The following THRB variants were observed in gnomAD, a reference collection of about 807,000 sequenced individuals.
THRB encodes thyroid hormone receptor beta.
A neutral mutation model predicts 47.8 loss-of-function variants in THRB; 12 were observed. That is an observed-to-expected ratio of 0.25 (90% CI 0.16 to 0.41). The LOEUF is 0.41. THRB is among the 10% of genes least tolerant of loss of function. THRB has a pLI of 1.00. For missense variants in THRB, 348 were observed against 589.2 expected (o/e 0.59, Z 4.24); for synonymous variants, 218 against 212.2 (o/e 1.03, Z -0.24).
At chr3:24,164,320 T>G (rs202125565) in intron 5 of THRB, among the ~76,000 whole-genome samples, 70 of 152,342 alleles carry the variant, frequency 4.6e-4, no homozygotes, top group Non-Finnish European at 9.0e-4. Context: ...GGTTTTAATA[T>G]TGGCTATTTT....
At chr3:24,301,824 C>G (rs1294241132) in intron 2 of THRB, among the ~76,000 whole-genome samples, 1 of 152,164 alleles carries the variant, frequency 6.6e-6, no homozygotes, top group Non-Finnish European at 1.5e-5. Flanking sequence ...TCCAGGTAGG[C>G]CCAATCTAGT....
chr3:24,282,126 A>C (rs546720984), intron 3 of THRB, among the ~76,000 whole-genome samples: 1 of 109,648 alleles, frequency 9.1e-6, no homozygotes, highest in Non-Finnish European at 1.7e-5. Context: ...AATCAACAGA[A>C]TATACATTTT....
At chr3:24,167,597 T>C (rs1370228483) in intron 5 of THRB, among the ~76,000 whole-genome samples, 1 of 152,208 alleles carries the variant, frequency 6.6e-6, no homozygotes, top group Non-Finnish European at 1.5e-5. Flanking sequence ...ATCTGAAAAT[T>C]AACCTTTCAA....
chr3:24,228,132 C>G (rs1047378689), intron 4 of THRB, among the ~76,000 whole-genome samples: 1 of 152,114 alleles, frequency 6.6e-6, no homozygotes, highest in Non-Finnish European at 1.5e-5. Flanking sequence ...TTAGAGAGAA[C>G]CAGAGTTCTC....
chr3:24,335,046 T>C (rs772844729), intron 2 of THRB, among the ~76,000 whole-genome samples: 4 of 152,172 alleles, frequency 2.6e-5, no homozygotes, highest in Non-Finnish European at 5.9e-5. Flanking sequence ...AGCTGCATGT[T>C]GGGTGGTGAC....
At chr3:24,407,357 C>T (rs943274416) in intron 1 of THRB, among the ~76,000 whole-genome samples, 3 of 151,274 alleles carry the variant, frequency 2.0e-5, no homozygotes, top group Admixed American at 1.3e-4. Flanking sequence ...TTTTTTTTTC[C>T]GGTAAGAAAT....
At chr3:24,252,780 TATGGTTAAGTGA>T (rs1227813301) in intron 3 of THRB, among the ~76,000 whole-genome samples, 1 of 151,728 alleles carries the variant, frequency 6.6e-6, no homozygotes, top group Non-Finnish European at 1.5e-5. Context: ...CTTTAAGAAA[TATGGTTAAGTGA>T]GAAAAGCAAA....
chr3:24,162,322 T>C (rs2038984672), intron 5 of THRB, among the ~76,000 whole-genome samples: 1 of 152,096 alleles, frequency 6.6e-6, no homozygotes, highest in African/African-American at 2.4e-5. Flanking sequence ...TTCTCCTGAA[T>C]TTGCAGGGGC....
intron 1 of THRB, among the ~76,000 whole-genome samples, chr3:24,390,914 A>T (rs1319347228): frequency 6.6e-6 from 1 of 151,828 alleles, no homozygotes; most frequent in East Asian, 1.9e-4. Context: ...GGCTTTTGCC[A>T]GGTATTGCTG....
At chr3:24,431,131 A>G (rs1313543459) in intron 1 of THRB, 1 of 152,102 alleles carries the variant, frequency 6.6e-6, no homozygotes, top group Non-Finnish European at 1.5e-5. Context: ...AATAAAGTTT[A>G]TAAGACTGCC....
chr3:24,199,953 A>G (rs886070867), intron 4 of THRB, among the ~76,000 whole-genome samples: 3 of 152,180 alleles, frequency 2.0e-5, no homozygotes, highest in African/African-American at 4.8e-5. Context: ...CTGGGAAAAT[A>G]CTTTCCGGAG....
At chr3:24,258,281 A>G (rs1217654322) in intron 3 of THRB, among the ~76,000 whole-genome samples, 1 of 152,162 alleles carries the variant, frequency 6.6e-6, no homozygotes, top group Non-Finnish European at 1.5e-5. Context: ...GCACAGAGAC[A>G]GGAAAAGGCC....
At chr3:24,386,749 G>T (rs1193332391) in intron 1 of THRB, among the ~76,000 whole-genome samples, 1 of 152,090 alleles carries the variant, frequency 6.6e-6, no homozygotes, top group African/African-American at 2.4e-5. Context: ...AGGCAACCTG[G>T]TTCAAATCCA....
At chr3:24,447,980 C>T (rs2072265711) in intron 1 of THRB, among the ~76,000 whole-genome samples, 1 of 152,074 alleles carries the variant, frequency 6.6e-6, no homozygotes, top group Admixed American at 6.5e-5. Flanking sequence ...AAGTACCTTC[C>T]TGCCCTTGAT....
chr3:24,180,013 T>C (rs1358758051), intron 5 of THRB, among the ~76,000 whole-genome samples: 1 of 152,214 alleles, frequency 6.6e-6, no homozygotes, highest in Non-Finnish European at 1.5e-5. Context: ...GATGAACCCA[T>C]TGCAGATACC....
chr3:24,197,221 G>A (rs955420923), intron 4 of THRB, among the ~76,000 whole-genome samples: 7 of 152,206 alleles, frequency 4.6e-5, no homozygotes, highest in African/African-American at 1.7e-4. Flanking sequence ...GGTCTGCTAG[G>A]AGGACTCATC....
intron 1 of THRB, among the ~76,000 whole-genome samples, chr3:24,382,247 A>G (rs1333934402): frequency 1.3e-5 from 2 of 152,106 alleles, no homozygotes; most frequent in Middle Eastern, 3.2e-3. Context: ...CTAAATACAA[A>G]GCGTCATTAG....
At chr3:24,428,050 C>A (rs1413436615) in intron 1 of THRB, among the ~76,000 whole-genome samples, 2 of 151,998 alleles carry the variant, frequency 1.3e-5, no homozygotes, top group African/African-American at 4.8e-5. Context: ...CATGTTTTCA[C>A]CACTAATGGT....
chr3:24,134,089 G>A (rs1368066300), intron 8 of THRB, among the ~76,000 whole-genome samples: 1 of 152,190 alleles, frequency 6.6e-6, no homozygotes. Context: ...AGTATTTAAT[G>A]TCCCTAGGGC....
Sources: gnomAD v4.1 joint callset for allele counts (sites outside exome capture counted in the v4.1 genomes callset) on GRCh38, gnomAD v4.1.1 for gene constraint, MANE v1.5 for transcripts, NCBI Gene and HGNC (gene_info 2026-07-23, HGNC 2026-07-21) for gene names.